Variants in NAV3 observed in about 807,000 individuals in gnomAD.
The protein encoded by NAV3 is neuron navigator 3, also known as pore membrane and/or filament interacting like protein 1.
In NAV3, 87 loss-of-function variants were observed where a neutral mutation model predicts 244.7. The observed-to-expected ratio is 0.36, with a 90% confidence interval of 0.30 to 0.42. The LOEUF (loss-of-function observed/expected upper bound fraction) is 0.42. Ranked by LOEUF, NAV3 falls within the 20% of genes least tolerant of loss-of-function variation. NAV3 has a pLI of 1.00. For missense variants in NAV3, 2,663 were observed against 2,893.3 expected (o/e 0.92, Z 1.83); for synonymous variants, 1,126 against 1,042.2 (o/e 1.08, Z -1.55).
intron 1 of NAV3, among the ~76,000 whole-genome samples, chr12:77,852,566 A>C (rs1393073570): frequency 5.3e-5 from 8 of 152,100 alleles, no homozygotes; most frequent in Non-Finnish European, 1.0e-4. Flanking sequence ...TAAATAAATA[A>C]ATAAATAAAT....
chr12:77,917,819 A>G (rs1385638711), intron 1 of NAV3, among the ~76,000 whole-genome samples: 1 of 152,060 alleles, frequency 6.6e-6, no homozygotes, highest in Non-Finnish European at 1.5e-5. Context: ...CATAGCCCCA[A>G]ATTAAATACT....
intron 1 of NAV3, among the ~76,000 whole-genome samples, chr12:77,937,015 G>C (rs1419947902): frequency 6.6e-6 from 1 of 151,994 alleles, no homozygotes; most frequent in East Asian, 1.9e-4. Flanking sequence ...TCACCATCTA[G>C]ATTATAATAT....
intron 1 of NAV3, among the ~76,000 whole-genome samples, chr12:77,924,066 C>G (rs757012248): frequency 3.0e-4 from 45 of 152,110 alleles, no homozygotes; most frequent in Non-Finnish European, 5.7e-4. Context: ...TAACAAACTC[C>G]TGAATTTCAA....
intron 2 of NAV3, among the ~76,000 whole-genome samples, chr12:77,783,945 A>G (rs1870788669): frequency 6.6e-6 from 1 of 152,136 alleles, no homozygotes; most frequent in Non-Finnish European, 1.5e-5. Context: ...AATTATAGTG[A>G]GTAAAAGCAC....
At chr12:77,818,673 C>A (rs1301689827) in intron 2 of NAV3, among the ~76,000 whole-genome samples, 1 of 152,002 alleles carries the variant, frequency 6.6e-6, no homozygotes, top group Non-Finnish European at 1.5e-5. Flanking sequence ...AGGTTAGTAT[C>A]TGATGGTCTC....
intron 2 of NAV3, among the ~76,000 whole-genome samples, chr12:77,584,180 C>G (rs1221679135): frequency 6.6e-6 from 1 of 152,146 alleles, no homozygotes; most frequent in African/African-American, 2.4e-5. Context: ...CAGCCTCTAC[C>G]AGGTCAGGGA....
intron 2 of NAV3, among the ~76,000 whole-genome samples, chr12:77,623,389 A>G (rs1592514066): frequency 6.6e-6 from 1 of 152,230 alleles, no homozygotes; most frequent in East Asian, 1.9e-4. Flanking sequence ...ATTGGTTTTG[A>G]ATTTGTAGAA....
chr12:77,728,523 T>G (rs1263263114), intron 2 of NAV3, among the ~76,000 whole-genome samples: 1 of 151,878 alleles, frequency 6.6e-6, no homozygotes, highest in Non-Finnish European at 1.5e-5. Context: ...TTTTCTACAC[T>G]GAGGAAATGG....
At chr12:77,862,512 G>C (rs1879396841) in intron 1 of NAV3, among the ~76,000 whole-genome samples, 1 of 151,784 alleles carries the variant, frequency 6.6e-6, no homozygotes, top group Admixed American at 6.6e-5. Context: ...TGAATAATTT[G>C]AAAGTGTTTA....
At chr12:77,804,959 G>A (rs943457703) in intron 2 of NAV3, among the ~76,000 whole-genome samples, 1 of 151,960 alleles carries the variant, frequency 6.6e-6, no homozygotes, top group African/African-American at 2.4e-5. Flanking sequence ...CTCATGATTT[G>A]GCTCTCTGTT....
At chr12:77,659,809 A>T (rs1873341985) in intron 2 of NAV3, among the ~76,000 whole-genome samples, 1 of 152,196 alleles carries the variant, frequency 6.6e-6, no homozygotes, top group African/African-American at 2.4e-5. Context: ...TGTCCTTTGT[A>T]GGGACATGGA....
intron 37 of NAV3, among the ~76,000 whole-genome samples, chr12:78,199,918 G>C (rs1959461372): frequency 6.6e-6 from 1 of 152,100 alleles, no homozygotes; most frequent in African/African-American, 2.4e-5. Flanking sequence ...ACGCTTTGTA[G>C]ATAATTTAAG....
At chr12:77,956,806 A>T (rs1891406689) in intron 3 of NAV3, among the ~76,000 whole-genome samples, 1 of 151,464 alleles carries the variant, frequency 6.6e-6, no homozygotes, top group Non-Finnish European at 1.5e-5. Context: ...CAGTTGTGTG[A>T]TCTCGGCTCA....
chr12:77,599,662 T>TA (rs1870331928), intron 2 of NAV3, among the ~76,000 whole-genome samples: 2 of 144,490 alleles, frequency 1.4e-5, no homozygotes, highest in African/African-American at 5.2e-5. Flanking sequence ...TTTCAAACCC[T>TA]TTTTTTTATC....
At chr12:78,135,588 ATTTG>A (rs1259451434) in intron 18 of NAV3, among the ~76,000 whole-genome samples, 3 of 152,116 alleles carry the variant, frequency 2.0e-5, no homozygotes, top group Non-Finnish European at 4.4e-5. Flanking sequence ...GCACTTGCAA[ATTTG>A]TTTAATACTT....
intron 2 of NAV3, among the ~76,000 whole-genome samples, chr12:77,738,419 TAGTG>T (rs1868264530): frequency 6.6e-6 from 1 of 152,208 alleles, no homozygotes; most frequent in Non-Finnish European, 1.5e-5. Flanking sequence ...AGCAGCCAGT[TAGTG>T]AGTGCTCAAT....
intron 1 of NAV3, among the ~76,000 whole-genome samples, chr12:77,836,805 G>C (rs1237519437): frequency 6.6e-6 from 1 of 152,102 alleles, no homozygotes; most frequent in Admixed American, 6.5e-5. Context: ...AGGGAGGAGA[G>C]ATTACATCCG....
chr12:77,722,045 A>G (rs959257567), intron 2 of NAV3, among the ~76,000 whole-genome samples: 4 of 152,096 alleles, frequency 2.6e-5, no homozygotes, highest in African/African-American at 4.8e-5. Flanking sequence ...CATGTGTTTC[A>G]ATGGAACTGA....
intron 12 of NAV3, among the ~76,000 whole-genome samples, chr12:78,086,965 T>C (rs2137932509): frequency 6.6e-6 from 1 of 152,166 alleles, no homozygotes; most frequent in South Asian, 2.1e-4. Flanking sequence ...TCTTTAAAAC[T>C]GTCAATGAAA....
Sources: gnomAD v4.1 joint callset for allele counts (sites outside exome capture counted in the v4.1 genomes callset) on GRCh38, gnomAD v4.1.1 for gene constraint, MANE v1.5 for transcripts, NCBI Gene and HGNC (gene_info 2026-07-23, HGNC 2026-07-21) for gene names.